The following SCHIP1 variants were observed in gnomAD, a reference collection of about 807,000 sequenced individuals.
SCHIP1 encodes schwannomin-interacting protein 1.
SCHIP1 carries 8 observed loss-of-function variants against 29.7 expected under a neutral mutation model. The ratio of observed to expected loss-of-function variants is 0.27; its 90% CI spans 0.16 to 0.49. The LOEUF (loss-of-function observed/expected upper bound fraction) is 0.49. Ranked by LOEUF, SCHIP1 falls within the 20% of genes least tolerant of loss-of-function variation. The pLI is 0.99. For missense variants in SCHIP1, 193 were observed against 294.6 expected, an observed-to-expected ratio of 0.66 and a Z score of 2.52; for synonymous variants, 76 against 94.9, an observed-to-expected ratio of 0.80 and a Z score of 1.16.
chr3:159,513,096 C>G, the SCHIP1 span, among the ~76,000 whole-genome samples: 3 of 152,222 alleles, frequency 2.0e-5, 1 homozygote, highest in African/African-American at 7.2e-5. Flanking sequence ...TTAAAGTATG[C>G]AAAATTATTG....
At chr3:159,368,241 C>A in the SCHIP1 span, among the ~76,000 whole-genome samples, 484 of 152,274 alleles carry the variant, frequency 3.2e-3, 1 homozygote, top group African/African-American at 0.011. Flanking sequence ...ACCTGACAGC[C>A]CCTTTCTACC....
chr3:159,756,593 C>T, the SCHIP1 span, among the ~76,000 whole-genome samples: 1 of 152,194 alleles, frequency 6.6e-6, no homozygotes, highest in African/African-American at 2.4e-5. Flanking sequence ...ACATTCAGCT[C>T]CTTGTTACTT....
chr3:159,498,844 CTT>C, the SCHIP1 span, among the ~76,000 whole-genome samples: 1 of 152,152 alleles, frequency 6.6e-6, no homozygotes, highest in African/African-American at 2.4e-5. Flanking sequence ...AAGTAGCAAT[CTT>C]ATTTTACAGG....
chr3:159,486,494 C>T, the SCHIP1 span, among the ~76,000 whole-genome samples: 4 of 152,108 alleles, frequency 2.6e-5, no homozygotes, highest in African/African-American at 4.8e-5. Context: ...TAATATTTCA[C>T]TGGTAATAGG....
chr3:159,820,121 CA>C, the SCHIP1 span, among the ~76,000 whole-genome samples: 2 of 152,246 alleles, frequency 1.3e-5, no homozygotes, highest in South Asian at 4.2e-4. Context: ...ACCTGGCAAC[CA>C]GGAGAACTCT....
chr3:159,484,580 A>C, the SCHIP1 span, among the ~76,000 whole-genome samples: 1 of 152,178 alleles, frequency 6.6e-6, no homozygotes, highest in Non-Finnish European at 1.5e-5. Flanking sequence ...TCATAACCCA[A>C]AGAAAAGTTC....
the SCHIP1 span, among the ~76,000 whole-genome samples, chr3:159,477,920 C>CTTTTT: frequency 1.7e-4 from 17 of 98,300 alleles, no homozygotes; most frequent in Admixed American, 2.3e-4. Flanking sequence ...CATTTTAAAT[C>CTTTTT]TTTTTTTTTT....
chr3:159,394,299 C>A, the SCHIP1 span, among the ~76,000 whole-genome samples: 1 of 151,806 alleles, frequency 6.6e-6, no homozygotes. Flanking sequence ...AACTAAATAC[C>A]CTTTATTTCC....
chr3:159,751,545 A>C, the SCHIP1 span, among the ~76,000 whole-genome samples: 1 of 131,232 alleles, frequency 7.6e-6, no homozygotes, highest in East Asian at 2.1e-4. Flanking sequence ...CTGAACAATT[A>C]TTTCTTTTTT....
the SCHIP1 span, among the ~76,000 whole-genome samples, chr3:159,618,844 C>T: frequency 6.6e-6 from 1 of 152,228 alleles, no homozygotes; most frequent in African/African-American, 2.4e-5. Flanking sequence ...AGTGTGGGGG[C>T]CTGCTCCTGG....
At chr3:159,694,192 A>G in the SCHIP1 span, among the ~76,000 whole-genome samples, 1 of 152,046 alleles carries the variant, frequency 6.6e-6, no homozygotes, top group Non-Finnish European at 1.5e-5. Flanking sequence ...TATTTTTGTA[A>G]TAGAGATTGT....
chr3:159,532,965 G>C, the SCHIP1 span, among the ~76,000 whole-genome samples: 2 of 152,102 alleles, frequency 1.3e-5, no homozygotes, highest in Admixed American at 6.5e-5. Context: ...AAATTAACTT[G>C]AAAAGACAAT....
chr3:159,667,474 T>A, the SCHIP1 span, among the ~76,000 whole-genome samples: 2 of 152,168 alleles, frequency 1.3e-5, no homozygotes, highest in Non-Finnish European at 2.9e-5. Flanking sequence ...TGAGTGATGA[T>A]CAGGGCATCC....
chr3:159,641,365 T>C, the SCHIP1 span, among the ~76,000 whole-genome samples: 1 of 152,190 alleles, frequency 6.6e-6, no homozygotes, highest in Non-Finnish European at 1.5e-5. Context: ...TTTACCTCTG[T>C]ATGAAATTTA....
chr3:159,820,300 C>T, the SCHIP1 span, among the ~76,000 whole-genome samples: 12 of 152,210 alleles, frequency 7.9e-5, no homozygotes, highest in African/African-American at 2.6e-4. Context: ...TACAGCCCAC[C>T]TCCAGCCCCC....
the SCHIP1 span, among the ~76,000 whole-genome samples, chr3:159,741,159 A>G: frequency 6.6e-6 from 1 of 152,270 alleles, no homozygotes; most frequent in African/African-American, 2.4e-5. Flanking sequence ...ATGTTCAATA[A>G]ATGTTTATTG....
the SCHIP1 span, among the ~76,000 whole-genome samples, chr3:159,507,261 T>C: frequency 0.52 from 78,869 of 150,538 alleles, 20,951 homozygotes; most frequent in East Asian, 0.68. Flanking sequence ...TGATTTGGCA[T>C]TCTGTTTGTC....
chr3:159,820,400 T>G, the SCHIP1 span, among the ~76,000 whole-genome samples: 1 of 152,188 alleles, frequency 6.6e-6, no homozygotes, highest in Non-Finnish European at 1.5e-5. Flanking sequence ...AAATTATAAT[T>G]TCTTCCTGTG....
At chr3:159,888,163 C>G in intron 4 of SCHIP1, 2 of 507,730 alleles carry the variant, frequency 3.9e-6, no homozygotes, top group Non-Finnish European at 7.0e-6. Context: ...ATATTAGCTG[C>G]CACGGGAATA....
Sources: allele counts gnomAD v4.1 joint callset (sites outside exome capture counted in the v4.1 genomes callset), GRCh38; gene constraint gnomAD v4.1.1; transcripts MANE v1.5; gene names NCBI Gene and HGNC (gene_info 2026-07-23, HGNC 2026-07-21).